Variants in ARHGEF7 observed in about 807,000 individuals in gnomAD.
ARHGEF7 encodes Rho guanine nucleotide exchange factor 7.
A neutral mutation model predicts 109.8 loss-of-function variants in ARHGEF7; 33 were observed. The observed-to-expected ratio is 0.30, with a 90% CI of 0.23 to 0.40. The LOEUF is 0.40. ARHGEF7 is among the 10% of genes least tolerant of loss of function. The pLI is 1.00. For synonymous variants in ARHGEF7, 458 were observed against 424.6 expected, an observed-to-expected ratio of 1.08 and a Z score of -0.97; for missense variants, 938 against 1,098.5, an observed-to-expected ratio of 0.85 and a Z score of 2.07.
rs146145500 is a variant in ARHGEF7, at chr13:111,220,044, GGCCT to G, written c.670+2167_670+2170del. On this transcript the variant is annotated intron_variant, in intron 5 of 21. Transcript: ENST00000646102. ...GTCTGTGACTCAGTTGGATGGCACT[GGCCT>G]GCATGAGCCTTCCTGGAGACCTAGG... Among the ~76,000 whole-genome samples, 484 of 152,316 alleles carry G rather than the reference GGCCT, an allele frequency of 3.2e-3. 3 individuals carry two copies. Among genetic ancestry groups the G allele is most frequent in the African/African-American group, 0.011 (459 of 41,566 alleles).
intron 2 of ARHGEF7, among the ~76,000 whole-genome samples, chr13:111,175,552 G>A (rs1387737626): frequency 1.3e-5 from 2 of 152,208 alleles, no homozygotes; most frequent in African/African-American, 4.8e-5. Flanking sequence ...CTGCAGTGGG[G>A]TGAGTGAGCT....
intron 2 of ARHGEF7, among the ~76,000 whole-genome samples, chr13:111,199,161 G>T (rs1382557782): frequency 6.6e-6 from 1 of 152,206 alleles, no homozygotes. Context: ...GCCCCTGCCT[G>T]TAGGAAGCTG....
intron 8 of ARHGEF7, among the ~76,000 whole-genome samples, chr13:111,261,082 G>C (rs922754479): frequency 1.3e-5 from 2 of 152,048 alleles, no homozygotes; most frequent in South Asian, 2.1e-4. Context: ...AGGAAGAGAA[G>C]ATTGCAAAAC....
chr13:111,229,525 TG>T (rs1467439459), intron 5 of ARHGEF7, among the ~76,000 whole-genome samples: 3 of 152,204 alleles, frequency 2.0e-5, no homozygotes. Flanking sequence ...GTATCTCTCC[TG>T]TCATTTTAAA....
chr13:111,302,687 A>C (rs1367901396), intron 21 of ARHGEF7, among the ~76,000 whole-genome samples: 1 of 152,176 alleles, frequency 6.6e-6, no homozygotes, highest in African/African-American at 2.4e-5. Flanking sequence ...GCTGGATAGG[A>C]GCTGTCTCGT....
Position 111,298,608 on chromosome 13 carries a change from A to G in ARHGEF7, c.2312-2140A>G, listed in dbSNP as rs141665426. ...TTCCTAGGGCTGATACTACCAGCCT[A>G]ATGTTTTAAAAAACGTTTTTCTGAA... On this transcript the variant is annotated intron_variant, in intron 19 of 21. Transcript: ENST00000646102. 1.1e-3 allele frequency among the ~76,000 whole-genome samples: 175 copies of G among 152,344 alleles called. 4 individuals are homozygous for G. Among genetic ancestry groups the G allele is most frequent in the South Asian group, 0.011 (53 of 4,824 alleles).
chr13:111,276,889 T>G (rs116536129), intron 12 of ARHGEF7, among the ~76,000 whole-genome samples: 1,918 of 152,346 alleles, frequency 0.013, 38 homozygotes, highest in African/African-American at 0.043. Context: ...GGCATTTTTT[T>G]GTCTCTTTTT....
intron 1 of ARHGEF7, among the ~76,000 whole-genome samples, chr13:111,140,867 CA>C (rs1458153411): frequency 6.6e-6 from 1 of 152,008 alleles, no homozygotes; most frequent in African/African-American, 2.4e-5. Flanking sequence ...TTTATAGAGA[CA>C]GGGTCTTGCT....
chr13:111,141,370 T>A (rs1173129200), intron 1 of ARHGEF7, among the ~76,000 whole-genome samples: 5 of 150,078 alleles, frequency 3.3e-5, no homozygotes, highest in Non-Finnish European at 5.9e-5. Flanking sequence ...TTTTTTTTTT[T>A]AAATTACATT....
intron 6 of ARHGEF7, among the ~76,000 whole-genome samples, chr13:111,237,710 A>G (rs917450421): frequency 7.2e-5 from 11 of 152,276 alleles, no homozygotes; most frequent in South Asian, 4.1e-4. Context: ...TGTAGTTACT[A>G]AAGTGTACAT....
chr13:111,214,836 ATACT>A lies in ARHGEF7; in HGVS notation c.469-2840_469-2837del, dbSNP rs1218046376. The stretch of plus-strand genomic sequence containing the variant: ...ATTACTAAATACATATTTATAATTA[ATACT>A]TAATCTGTAAACACATTTAAATAGA... On this transcript the variant is annotated intron_variant, in intron 4 of 21. Coordinates refer to ENST00000646102, the MANE Select transcript of ARHGEF7 (RefSeq NM_001354046.2). 3.3e-5 allele frequency among the ~76,000 whole-genome samples: 5 copies of A among 150,422 alleles called. No homozygotes were observed. In the South Asian group the frequency reaches 6.4e-4, roughly 19 times the overall value.
intron 8 of ARHGEF7, among the ~76,000 whole-genome samples, chr13:111,252,685 TC>T (rs2089928828): frequency 6.6e-6 from 1 of 152,206 alleles, no homozygotes; most frequent in Admixed American, 6.5e-5. Flanking sequence ...CTTAGTGTGT[TC>T]CTGGTATTTT....
At chr13:111,196,900 G>T (rs1320630196) in intron 2 of ARHGEF7, among the ~76,000 whole-genome samples, 1 of 152,198 alleles carries the variant, frequency 6.6e-6, no homozygotes, top group East Asian at 1.9e-4. Flanking sequence ...CTTCCCTCAG[G>T]TGGCCATTTT....
Position 111,244,262 on chromosome 13 carries a change from A to C in ARHGEF7, c.918A>C (p.Gln306His). The change falls in exon 8 of 22, where the codon CAA (glutamine) becomes CAC (histidine). Residue 306 changes from glutamine (Q) to histidine (H), a missense_variant. Gln to His is a conservative substitution (Grantham distance 24, BLOSUM62 0). Coordinates refer to ENST00000646102, the MANE Select transcript of ARHGEF7 (RefSeq NM_001354046.2). The stretch of plus-strand genomic sequence containing the variant: ...TAGAAGAAATATGTTCTTTCCAGCA[A>C]ATGCTCGTACAGTCTTTAGAAGAAT... ...GNLEEICSFQ[Q>H]MLVQSLEECT... 4 of 1,610,354 alleles carry C rather than the reference A, an allele frequency of 2.5e-6. No individual in the cohort carries two copies. The highest frequency in any genetic ancestry group is 3.4e-6 in the Non-Finnish European group (4 of 1,178,612).
intron 6 of ARHGEF7, among the ~76,000 whole-genome samples, chr13:111,240,065 GA>G (rs1230062907): frequency 6.6e-6 from 1 of 151,958 alleles, no homozygotes; most frequent in Non-Finnish European, 1.5e-5. Flanking sequence ...CCCTTTTTGT[GA>G]AAAAGGGAAA....
rs551222448 is a variant in ARHGEF7 at position 111,158,942 on chromosome 13, T to C, written c.252+4951T>C. ...ATTATTGTTAACTGTAGTCACCTGC[T>C]GTACAATAGATCACTAAAATTTATT... On this transcript the variant is annotated intron_variant, in intron 2 of 21. Coordinates refer to ENST00000646102, the MANE Select transcript of ARHGEF7 (RefSeq NM_001354046.2). 33 of 707,868 alleles carry C rather than the reference T, an allele frequency of 4.7e-5. No individual in the cohort carries two copies. The East Asian group carries it at 8.4e-4, about 18-fold the overall frequency. 43.8% of individuals were successfully genotyped at this position (707,868 alleles called of 1,614,324 possible). A position where few individuals can be genotyped will look rare whatever the true frequency, so the allele number is the denominator to read the frequency against.
chr13:111,207,167 G>A (rs965661930), intron 3 of ARHGEF7, among the ~76,000 whole-genome samples: 2 of 152,082 alleles, frequency 1.3e-5, no homozygotes, highest in African/African-American at 4.8e-5. Flanking sequence ...ATGCCTCAGA[G>A]TTTTGAATTA....
At chr13:111,132,994 G>A (rs777371274) in intron 1 of ARHGEF7, among the ~76,000 whole-genome samples, 4 of 151,888 alleles carry the variant, frequency 2.6e-5, no homozygotes, top group Admixed American at 6.5e-5. Flanking sequence ...ATATATACAC[G>A]TATATGCATA....
chr13:111,286,024 G>A (rs1008821656), intron 16 of ARHGEF7, 123 bp from the exon 17 acceptor site: 78 of 674,960 alleles, frequency 1.2e-4, no homozygotes, highest in African/African-American at 1.0e-3. Context: ...AGGAAAAGGC[G>A]AGAAGCTCTT....
Sources: gnomAD v4.1 joint callset for allele counts (sites outside exome capture counted in the v4.1 genomes callset) on GRCh38, gnomAD v4.1.1 for gene constraint, MANE v1.5 for transcripts, NCBI Gene and HGNC (gene_info 2026-07-23, HGNC 2026-07-21) for gene names.